The following AOAH variants were observed in gnomAD, a reference collection of about 807,000 sequenced individuals.
AOAH encodes acyloxyacyl hydrolase, also known as acyloxyacyl hydrolase (neutrophil).
A neutral mutation model predicts 92.2 loss-of-function variants in AOAH; 64 were observed. The ratio of observed to expected loss-of-function variants is 0.69; its 90% CI spans 0.57 to 0.86. The LOEUF (loss-of-function observed/expected upper bound fraction) is 0.86, where lower values mean the gene tolerates loss of function less well. Ranked by LOEUF, AOAH falls within the 40% of genes least tolerant of loss-of-function variation. The pLI, the probability that AOAH is intolerant of heterozygous loss-of-function variation, is 0.00. For synonymous variants in AOAH, 263 were observed against 254.5 expected (o/e 1.03, Z -0.32); for missense variants, 656 against 694.6 (o/e 0.94, Z 0.62).
rs115878119 is a variant in AOAH at position 36,626,608 on chromosome 7, T to C, written c.522-3358A>G. On this transcript the variant is annotated intron_variant, in intron 6 of 20. Coordinates refer to ENST00000617537, the MANE Select transcript of AOAH (RefSeq NM_001637.4). ...ACTGATATAGGGCAATTCGTAAGCTTTATCATACTTAGTGTGAAAATTCAT... is the reference window on the plus strand; with the variant it reads ...ACTGATATAGGGCAATTCGTAAGCTCTATCATACTTAGTGTGAAAATTCAT... 5.4e-3 allele frequency among the ~76,000 whole-genome samples: 825 copies of C among 152,338 alleles called. 6 individuals are homozygous for C. Among genetic ancestry groups the C allele is most frequent in the African/African-American group, 0.019 (774 of 41,578 alleles).
intron 11 of AOAH, among the ~76,000 whole-genome samples, chr7:36,607,524 C>CTCA (rs1399690392): frequency 8.5e-5 from 13 of 152,220 alleles, no homozygotes; most frequent in Admixed American, 3.9e-4. Flanking sequence ...CCACTGCACA[C>CTCA]TCATCTGTGG....
chr7:36,530,102 C>A (rs767292717), intron 19 of AOAH, among the ~76,000 whole-genome samples: 1 of 152,190 alleles, frequency 6.6e-6, no homozygotes, highest in Non-Finnish European at 1.5e-5. Context: ...TTTAACCCGA[C>A]AAGAACAGGT....
chr7:36,552,162 C>T (rs1020247937), intron 13 of AOAH, among the ~76,000 whole-genome samples: 3 of 152,154 alleles, frequency 2.0e-5, no homozygotes, highest in Admixed American at 2.0e-4. Flanking sequence ...AAGCCCAGCA[C>T]TCCCACAACA....
intron 1 of AOAH, among the ~76,000 whole-genome samples, chr7:36,711,760 G>A (rs945161846): frequency 3.3e-5 from 5 of 152,160 alleles, no homozygotes; most frequent in African/African-American, 1.2e-4. Flanking sequence ...AGGGTGGAAT[G>A]TGTGGTGGGT....
At chr7:36,694,003 A>G (rs1797562572) in intron 1 of AOAH, among the ~76,000 whole-genome samples, 1 of 152,220 alleles carries the variant, frequency 6.6e-6, no homozygotes, top group African/African-American at 2.4e-5. Context: ...CTATCATTGA[A>G]CATTATTTTA....
chr7:36,581,825 G>A (rs1788949384), intron 12 of AOAH, among the ~76,000 whole-genome samples: 1 of 152,076 alleles, frequency 6.6e-6, no homozygotes, highest in African/African-American at 2.4e-5. Flanking sequence ...AGAATTTTGG[G>A]ATGAAAGCCT....
chr7:36,669,045 C>T (rs1795738346), intron 3 of AOAH, among the ~76,000 whole-genome samples: 1 of 152,154 alleles, frequency 6.6e-6, no homozygotes, highest in Non-Finnish European at 1.5e-5. Context: ...GAATTACAGT[C>T]GATGATGATG....
At position 36,635,335 on chromosome 7, in the gene AOAH, C is replaced by G. The variant is rs539506030; in HGVS notation, c.450+2516G>C. Among the ~76,000 whole-genome samples the G allele has an allele frequency of 2.6e-5, 4 of 152,146 alleles. No individual in the cohort carries two copies. The East Asian group carries it at 7.7e-4, about 29-fold the overall frequency. On this transcript the variant is annotated intron_variant, in intron 5 of 20. Transcript: ENST00000617537. ...TGAGCTTCCCCATGCACCAGGATGT[C>G]AAATGAATGCAGAACAACAAACGGG...
chr7:36,602,621 C>T (rs531605184), intron 11 of AOAH, among the ~76,000 whole-genome samples: 1 of 152,140 alleles, frequency 6.6e-6, no homozygotes, highest in South Asian at 2.1e-4. Flanking sequence ...CTCCAAGGGC[C>T]TGAAATGAGC....
At chr7:36,544,022 C>G (rs1225558168) in intron 15 of AOAH, among the ~76,000 whole-genome samples, 1 of 144,958 alleles carries the variant, frequency 6.9e-6, no homozygotes, top group African/African-American at 2.6e-5. Flanking sequence ...ATCTCGCTCA[C>G]TGCAACCTCT....
At chr7:36,531,334 G>A (rs1269013374) in intron 18 of AOAH, among the ~76,000 whole-genome samples, 1 of 152,210 alleles carries the variant, frequency 6.6e-6, no homozygotes, top group East Asian at 1.9e-4. Context: ...TGTTCAATAA[G>A]TCTTTTGTCT....
At chr7:36,619,468 G>A (rs1024096457) in intron 9 of AOAH, among the ~76,000 whole-genome samples, 1 of 152,170 alleles carries the variant, frequency 6.6e-6, no homozygotes, top group Non-Finnish European at 1.5e-5. Context: ...ACCATGGAAC[G>A]AAGACAGGGC....
At chr7:36,607,815 G>A (rs1400348991) in intron 11 of AOAH, among the ~76,000 whole-genome samples, 1 of 152,138 alleles carries the variant, frequency 6.6e-6, no homozygotes, top group African/African-American at 2.4e-5. Flanking sequence ...AGGGAGAAGA[G>A]GTACAGTCGG....
intron 19 of AOAH, among the ~76,000 whole-genome samples, chr7:36,528,394 A>C (rs1380472685): frequency 6.6e-6 from 1 of 152,186 alleles, no homozygotes; most frequent in East Asian, 1.9e-4. Flanking sequence ...GCTTCCAAGC[A>C]TATCAGTTCA....
chr7:36,552,692 TCTGA>T (rs901327271), intron 13 of AOAH, among the ~76,000 whole-genome samples: 5 of 152,196 alleles, frequency 3.3e-5, no homozygotes, highest in Non-Finnish European at 5.9e-5. Flanking sequence ...TAATCGCTGC[TCTGA>T]CTGTCATTTT....
At chr7:36,702,717 T>C (rs1798102269) in intron 1 of AOAH, among the ~76,000 whole-genome samples, 1 of 152,196 alleles carries the variant, frequency 6.6e-6, no homozygotes, top group Non-Finnish European at 1.5e-5. Flanking sequence ...CATAATCTTT[T>C]TGCAGATGGA....
intron 12 of AOAH, among the ~76,000 whole-genome samples, chr7:36,584,797 A>G (rs774630273): frequency 3.3e-5 from 5 of 152,328 alleles, no homozygotes; most frequent in South Asian, 2.1e-4. Context: ...TAATCCCAAC[A>G]AATCTTATTT....
At chr7:36,719,243 A>G (rs1799463836) in intron 1 of AOAH, among the ~76,000 whole-genome samples, 1 of 152,230 alleles carries the variant, frequency 6.6e-6, no homozygotes, top group South Asian at 2.1e-4. Flanking sequence ...TATTATAATT[A>G]TTAACTCGCA....
intron 2 of AOAH, among the ~76,000 whole-genome samples, chr7:36,685,240 T>C (rs185011081): frequency 6.6e-6 from 1 of 152,104 alleles, no homozygotes; most frequent in Non-Finnish European, 1.5e-5. Context: ...ACTTATAGAT[T>C]AAAATAGACT....
Sources: allele counts gnomAD v4.1 joint callset (sites outside exome capture counted in the v4.1 genomes callset), GRCh38; gene constraint gnomAD v4.1.1; transcripts MANE v1.5; gene names NCBI Gene and HGNC (gene_info 2026-07-23, HGNC 2026-07-21).